Variants in WDFY3 observed in about 807,000 individuals in gnomAD.
The protein encoded by WDFY3 is WD repeat and FYVE domain containing 3.
A neutral mutation model predicts 409.6 loss-of-function variants in WDFY3; 66 were observed. The observed-to-expected ratio is 0.16, with a 90% CI of 0.13 to 0.20. The LOEUF (loss-of-function observed/expected upper bound fraction) is 0.20. Among genes scored for constraint, WDFY3 ranks in the 10% least tolerant of loss-of-function variants. The probability of loss-of-function intolerance (pLI) is 1.00; values close to 1 mark genes in which losing one functional copy is unlikely to be tolerated. For missense variants in WDFY3, 3,031 were observed against 4,298.1 expected (o/e 0.71, Z 8.24); for synonymous variants, 1,521 against 1,537.1 (o/e 0.99, Z 0.25).
chr4:84,746,766 A>G (rs1739522731), intron 36 of WDFY3, among the ~76,000 whole-genome samples: 1 of 152,166 alleles, frequency 6.6e-6, no homozygotes, highest in African/African-American at 2.4e-5. Context: ...TGCCAGACAC[A>G]GGGCTTATAT....
chr4:84,870,299 A>G (rs951486784), intron 3 of WDFY3, among the ~76,000 whole-genome samples: 14 of 152,214 alleles, frequency 9.2e-5, no homozygotes, highest in Non-Finnish European at 1.3e-4. Flanking sequence ...CTCTAACTCA[A>G]GGACTTTTCT....
chr4:84,906,940 T>C (rs1397351102), intron 2 of WDFY3, among the ~76,000 whole-genome samples: 3 of 152,272 alleles, frequency 2.0e-5, no homozygotes, highest in Non-Finnish European at 4.4e-5. Flanking sequence ...GTAAATCCTA[T>C]GTAAATTTTT....
intron 1 of WDFY3, among the ~76,000 whole-genome samples, chr4:84,945,486 C>T (rs561335058): frequency 1.3e-5 from 2 of 152,346 alleles, no homozygotes; most frequent in South Asian, 4.1e-4. Flanking sequence ...TCCAGGAACT[C>T]ACTTCAAATG....
intron 13 of WDFY3, among the ~76,000 whole-genome samples, chr4:84,816,373 C>A (rs1753298725): frequency 6.6e-6 from 1 of 152,100 alleles, no homozygotes; most frequent in Non-Finnish European, 1.5e-5. Context: ...GGGTTCAGAT[C>A]TAGACTCCTC....
chr4:84,930,740 C>A (rs1226555148), intron 2 of WDFY3, among the ~76,000 whole-genome samples: 1 of 152,170 alleles, frequency 6.6e-6, no homozygotes, highest in African/African-American at 2.4e-5. Context: ...AAAGGATATA[C>A]AAACTGTGGA....
intron 13 of WDFY3, among the ~76,000 whole-genome samples, chr4:84,813,791 C>T (rs904263086): frequency 6.6e-6 from 1 of 152,084 alleles, no homozygotes; most frequent in African/African-American, 2.4e-5. Flanking sequence ...AAAAAGTTGG[C>T]AACCTTAGCA....
intron 51 of WDFY3, among the ~76,000 whole-genome samples, chr4:84,710,517 T>G (rs1049433359): frequency 1.3e-5 from 2 of 152,196 alleles, no homozygotes; most frequent in Admixed American, 6.5e-5. Context: ...ATTAATACAT[T>G]TGTAAACCTT....
intron 2 of WDFY3, among the ~76,000 whole-genome samples, chr4:84,920,054 AAAT>A (rs1217313691): frequency 2.0e-5 from 3 of 152,208 alleles, no homozygotes; most frequent in African/African-American, 7.2e-5. Flanking sequence ...AAGGAACAAA[AAAT>A]AAGAAAACGA....
chr4:84,925,282 A>G (rs903002275), intron 2 of WDFY3, among the ~76,000 whole-genome samples: 1 of 152,204 alleles, frequency 6.6e-6, no homozygotes, highest in African/African-American at 2.4e-5. Flanking sequence ...ACTTCAACCA[A>G]GTAATAACTA....
At chr4:84,963,791 TG>T (rs1775249287) in intron 1 of WDFY3, among the ~76,000 whole-genome samples, 1 of 152,264 alleles carries the variant, frequency 6.6e-6, no homozygotes, top group Non-Finnish European at 1.5e-5. Flanking sequence ...GTTCACATGT[TG>T]GCCCACCAGT....
intron 2 of WDFY3, among the ~76,000 whole-genome samples, chr4:84,905,571 G>A (rs1421514116): frequency 6.6e-6 from 1 of 152,086 alleles, no homozygotes; most frequent in Non-Finnish European, 1.5e-5. Flanking sequence ...TCTTTCACCT[G>A]AACTACTATA....
At chr4:84,731,205 A>C (rs1736549136) in intron 44 of WDFY3, among the ~76,000 whole-genome samples, 1 of 152,196 alleles carries the variant, frequency 6.6e-6, no homozygotes, top group Admixed American at 6.5e-5. Flanking sequence ...ACCTTGATCT[A>C]GCTCATTGTG....
chr4:84,850,926 CTG>C lies in WDFY3; in HGVS notation c.181-903_181-902del, dbSNP rs1758849089. 7.5e-4 allele frequency among the ~76,000 whole-genome samples: 24 copies of C among 32,160 alleles called. 1 individual carries two copies. The highest frequency in any genetic ancestry group is 2.3e-3 in the African/African-American group (19 of 8,240). The allele number at this position is 32,160 out of a possible 152,430, so 21.1% of individuals were successfully genotyped here. A position where few individuals can be genotyped will look rare whatever the true frequency, so the allele number is the denominator to read the frequency against. On this transcript the variant is annotated intron_variant, in intron 4 of 67. Coordinates refer to ENST00000295888, the MANE Select transcript of WDFY3 (RefSeq NM_014991.6). ...AATTCTTATTTTTAATTTTATTTAT[CTG>C]TTTTTTTTTTTTTTTTTTTTTTTTT...
intron 56 of WDFY3, among the ~76,000 whole-genome samples, chr4:84,697,884 C>A (rs1730387839): frequency 6.6e-6 from 1 of 152,156 alleles, no homozygotes; most frequent in Non-Finnish European, 1.5e-5. Flanking sequence ...TACAATCTTG[C>A]CTTTATCATT....
At chr4:84,934,020 T>C (rs1470295610) in intron 1 of WDFY3, among the ~76,000 whole-genome samples, 1 of 149,140 alleles carries the variant, frequency 6.7e-6, no homozygotes, top group Non-Finnish European at 1.5e-5. Flanking sequence ...CTGATTTCCT[T>C]TCTTTTGGGT....
chr4:84,708,737 C>T (rs1345338453), intron 53 of WDFY3, among the ~76,000 whole-genome samples, 172 bp downstream of exon 53: 15 of 152,034 alleles, frequency 9.9e-5, no homozygotes, highest in Admixed American at 7.2e-4. Context: ...GACAGGGTTT[C>T]GCCCTGTTTC....
At chr4:84,926,702 T>C (rs1052961615) in intron 2 of WDFY3, among the ~76,000 whole-genome samples, 11 of 152,284 alleles carry the variant, frequency 7.2e-5, no homozygotes, top group Admixed American at 4.6e-4. Context: ...TCCAGAAGTT[T>C]TCGTAATAAA....
In WDFY3 at chr4:84,905,730, C is replaced by T. The variant is rs372258828; in HGVS notation, c.-131-8720G>A. ...TAAAAGCCATACTCCTTACCATGGC[C>T]CTTTAAAATTCTAGATATCTGATCC... On this transcript the variant is annotated intron_variant, in intron 2 of 67. Coordinates refer to ENST00000295888, the MANE Select transcript of WDFY3 (RefSeq NM_014991.6). Among the ~76,000 whole-genome samples the T allele has an allele frequency of 3.1e-4, 47 of 152,180 alleles. No individual in the cohort carries two copies. In the East Asian group the frequency reaches 3.7e-3, roughly 12 times the overall value.
chr4:84,923,889 T>C (rs983939184), intron 2 of WDFY3, among the ~76,000 whole-genome samples: 1 of 152,070 alleles, frequency 6.6e-6, no homozygotes, highest in Admixed American at 6.6e-5. Context: ...GTACCAGCTA[T>C]TCGGGGAGGC....
Sources: gnomAD v4.1 joint callset for allele counts (sites outside exome capture counted in the v4.1 genomes callset) on GRCh38, gnomAD v4.1.1 for gene constraint, MANE v1.5 for transcripts, NCBI Gene and HGNC (gene_info 2026-07-23, HGNC 2026-07-21) for gene names.